PATJ: variants seen among roughly 807,000 people sequenced by gnomAD.
PATJ encodes PATJ crumbs cell polarity complex component.
In PATJ, 190 loss-of-function variants were observed where a neutral mutation model predicts 224.9. The observed-to-expected ratio is 0.84, with a 90% CI of 0.75 to 0.95. The LOEUF (loss-of-function observed/expected upper bound fraction) is 0.95, where lower values mean the gene tolerates loss of function less well. Among genes scored for constraint, PATJ ranks in the 40% least tolerant of loss-of-function variants. PATJ has a pLI of 0.00. For synonymous variants in PATJ, 769 were observed against 820.3 expected (o/e 0.94, Z 1.07); for missense variants, 2,121 against 2,270.3 (o/e 0.93, Z 1.34).
At chr1:61,890,216 C>T (rs576286212) in intron 22 of PATJ, among the ~76,000 whole-genome samples, 21 of 152,246 alleles carry the variant, frequency 1.4e-4, no homozygotes, top group African/African-American at 4.3e-4. Flanking sequence ...TGGTGGCTCA[C>T]GCCTGTAATC....
intron 38 of PATJ, 96 bp downstream of exon 38, chr1:62,121,391 G>GT (rs1665032546): frequency 3.9e-6 from 3 of 765,820 alleles, no homozygotes; most frequent in Non-Finnish European, 4.2e-6. Flanking sequence ...TAATATAAAT[G>GT]TTTTTTAATT....
At position 62,144,774 on chromosome 1, in the gene PATJ, A is replaced by AT. The variant is rs1259524810; in HGVS notation, c.5272-3510_5272-3509insT. Among the ~76,000 whole-genome samples, 385 of 80,800 alleles carry AT rather than the reference A, an allele frequency of 4.8e-3. 6 individuals are homozygous for AT. The highest frequency in any genetic ancestry group is 0.022 in the African/African-American group (343 of 15,780). 53.0% of individuals were successfully genotyped at this position (80,800 alleles called of 152,430 possible). A position where few individuals can be genotyped will look rare whatever the true frequency, so the allele number is the denominator to read the frequency against. On this transcript the variant is annotated intron_variant, in intron 41 of 43. Coordinates refer to ENST00000642238, the MANE Select transcript of PATJ (RefSeq NM_001350145.3). Reference sequence around the variant, plus strand: ...CTCTAGAATGTTATTTGCAAAAAAAAAAAATATATATATATATATATAATT... The same window carrying AT: ...CTCTAGAATGTTATTTGCAAAAAAAATAAAATATATATATATATATATAATT...
At position 61,888,880 on chromosome 1, in the gene PATJ, G is replaced by A. The variant is rs2149097897; in HGVS notation, c.3131+4472G>A. ...TCTTATGCAGGCACAGGCATTTAAGGACTCCAACCTAACCTTGTCTTAGGA... is the reference window on the plus strand; with the variant it reads ...TCTTATGCAGGCACAGGCATTTAAGAACTCCAACCTAACCTTGTCTTAGGA... On this transcript the variant is annotated intron_variant, in intron 22 of 43. Coordinates refer to ENST00000642238, the MANE Select transcript of PATJ (RefSeq NM_001350145.3). Among the ~76,000 whole-genome samples, 4 of 152,288 alleles carry A rather than the reference G, an allele frequency of 2.6e-5. 1 individual carries two copies. In the South Asian group the frequency reaches 8.3e-4, roughly 32 times the overall value.
chr1:61,844,973 A>G (rs1317594520), intron 17 of PATJ, among the ~76,000 whole-genome samples: 1 of 152,120 alleles, frequency 6.6e-6, no homozygotes, highest in East Asian at 1.9e-4. Flanking sequence ...TCTTTTACAA[A>G]TTACCCAGTC....
At chr1:61,987,598 A>C (rs1644834913) in intron 27 of PATJ, among the ~76,000 whole-genome samples, 1 of 152,114 alleles carries the variant, frequency 6.6e-6, no homozygotes, top group African/African-American at 2.4e-5. Flanking sequence ...TCAACCCCCC[A>C]TCCCTGGGGG....
At chr1:61,910,393 A>G (rs1209803215) in intron 25 of PATJ, among the ~76,000 whole-genome samples, 1 of 152,148 alleles carries the variant, frequency 6.6e-6, no homozygotes, top group African/African-American at 2.4e-5. Flanking sequence ...ATGTAGTATA[A>G]TAGACTGCCA....
At chr1:61,906,991 G>A (rs545458727) in intron 24 of PATJ, among the ~76,000 whole-genome samples, 1 of 152,112 alleles carries the variant, frequency 6.6e-6, no homozygotes, top group Non-Finnish European at 1.5e-5. Flanking sequence ...GAATCATGGG[G>A]GTGGTTAGCC....
At position 62,162,932 on chromosome 1, in the gene PATJ, G is replaced by A; in HGVS notation, c.*1878G>A. ...ACTCCACTCCAGCCTGGGTGACAGA[G>A]CAAGACTCTGTCTCGAAAAAGAAAA... On this transcript the variant is annotated 3_prime_UTR_variant, in exon 44 of 44. Transcript: ENST00000642238. The A allele has an allele frequency of 2.5e-6, 1 of 403,270 alleles. No homozygotes were observed. The highest frequency in any genetic ancestry group is 4.9e-6 in the Non-Finnish European group (1 of 204,102). The allele number at this position is 403,270 out of a possible 1,614,324, so 25.0% of individuals were successfully genotyped here.
chr1:62,122,070 A>G (rs1300788651), intron 38 of PATJ, among the ~76,000 whole-genome samples: 1 of 151,930 alleles, frequency 6.6e-6, no homozygotes, highest in African/African-American at 2.4e-5. Flanking sequence ...GTACAATGAA[A>G]CACAAATGAC....
chr1:62,056,692 A>G (rs1654601255), intron 31 of PATJ, among the ~76,000 whole-genome samples: 1 of 152,084 alleles, frequency 6.6e-6, no homozygotes, highest in South Asian at 2.1e-4. Context: ...GAGGTAGGAG[A>G]ATCACTTGAA....
chr1:61,973,088 GC>G (rs1345532880), intron 27 of PATJ, among the ~76,000 whole-genome samples: 1 of 151,910 alleles, frequency 6.6e-6, no homozygotes, highest in Non-Finnish European at 1.5e-5. Flanking sequence ...TTAATAAATA[GC>G]CTGTTTCTTG....
At chr1:62,137,712 A>G (rs12725010) in intron 41 of PATJ, among the ~76,000 whole-genome samples, 1 of 150,474 alleles carries the variant, frequency 6.6e-6, no homozygotes, top group Admixed American at 6.6e-5. Flanking sequence ...ACAGATTGAG[A>G]GGGAAGCAGG....
At chr1:61,897,315 G>A (rs1319403166) in intron 22 of PATJ, among the ~76,000 whole-genome samples, 1 of 152,086 alleles carries the variant, frequency 6.6e-6, no homozygotes, top group Non-Finnish European at 1.5e-5. Flanking sequence ...TGGAATTGTG[G>A]GTGTATCATT....
chr1:61,817,395 G>A (rs932392876), intron 14 of PATJ, among the ~76,000 whole-genome samples: 1 of 152,138 alleles, frequency 6.6e-6, no homozygotes, highest in African/African-American at 2.4e-5. Context: ...CGGGAGCGGT[G>A]GCTCACGCCT....
rs138806142 is a variant in PATJ at position 61,968,135 on chromosome 1, A to G, written c.3671-22033A>G. On this transcript the variant is annotated intron_variant, in intron 27 of 43. Transcript: ENST00000642238. ...ACTCTGTGGGAAGGGTGTGAATGAC[A>G]GGTGTTGTCAGCTTATTTTGACAGC... 2.3e-3 allele frequency among the ~76,000 whole-genome samples: 345 copies of G among 152,300 alleles called. 1 individual carries two copies. The highest frequency in any genetic ancestry group is 8.0e-3 in the African/African-American group (331 of 41,564).
chr1:61,931,094 G>T (rs1675965158), intron 27 of PATJ, among the ~76,000 whole-genome samples: 1 of 152,188 alleles, frequency 6.6e-6, no homozygotes, highest in Admixed American at 6.5e-5. Flanking sequence ...TTCCCAAAGT[G>T]CTGGGATTAT....
intron 27 of PATJ, among the ~76,000 whole-genome samples, chr1:61,938,029 A>T (rs540057023): frequency 6.6e-6 from 1 of 152,274 alleles, no homozygotes; most frequent in East Asian, 1.9e-4. Context: ...TTAGACATGA[A>T]TGTGAGTGTT....
In PATJ at chr1:62,081,976, A is replaced by G. The variant is rs572974690; in HGVS notation, c.4243+2409A>G. ...GGTATAAAATACATATGCTGCAAAAAGATTTAAAGACAAATTTGGTTTACA... is the reference window on the plus strand; with the variant it reads ...GGTATAAAATACATATGCTGCAAAAGGATTTAAAGACAAATTTGGTTTACA... On this transcript the variant is annotated intron_variant, in intron 32 of 43. Coordinates refer to ENST00000642238, the MANE Select transcript of PATJ (RefSeq NM_001350145.3). Among the ~76,000 whole-genome samples, 6 of 152,368 alleles carry G rather than the reference A, an allele frequency of 3.9e-5. No individual in the cohort carries two copies. In the South Asian group the frequency reaches 1.2e-3, roughly 32 times the overall value.
At chr1:62,089,928 T>C (rs1256962920) in intron 33 of PATJ, among the ~76,000 whole-genome samples, 1 of 152,218 alleles carries the variant, frequency 6.6e-6, no homozygotes, top group African/African-American at 2.4e-5. Context: ...CTGGTGACCC[T>C]TCTTAACATC....
Sources: gnomAD v4.1 joint callset for allele counts (sites outside exome capture counted in the v4.1 genomes callset) on GRCh38, gnomAD v4.1.1 for gene constraint, MANE v1.5 for transcripts, NCBI Gene and HGNC (gene_info 2026-07-23, HGNC 2026-07-21) for gene names.